Variants in CDKAL1 observed in about 807,000 individuals in gnomAD.
CDKAL1 encodes the protein CDKAL1 threonylcarbamoyladenosine tRNA methylthiotransferase.
Under a neutral mutation model 68.2 loss-of-function variants are expected in CDKAL1, and 32 were observed. That is an observed-to-expected ratio of 0.47 (90% CI 0.35 to 0.63). CDKAL1 has a LOEUF of 0.63. Among genes scored for constraint, CDKAL1 ranks in the 30% least tolerant of loss-of-function variants. CDKAL1 has a pLI of 0.00. For synonymous variants in CDKAL1, 234 were observed against 244.3 expected, an observed-to-expected ratio of 0.96 and a Z score of 0.39; for missense variants, 606 against 696.7, an observed-to-expected ratio of 0.87 and a Z score of 1.47.
chr6:20,849,293 T>C (rs2150500968), intron 9 of CDKAL1, among the ~76,000 whole-genome samples: 1 of 152,126 alleles, frequency 6.6e-6, no homozygotes. Context: ...GTCAATATTA[T>C]GAAGAAGAGA....
At chr6:21,025,191 C>A (rs1254115910) in intron 11 of CDKAL1, among the ~76,000 whole-genome samples, 4 of 152,202 alleles carry the variant, frequency 2.6e-5, no homozygotes, top group Non-Finnish European at 5.9e-5. Flanking sequence ...ATTGTACAAT[C>A]AGTCACCTCT....
intron 9 of CDKAL1, among the ~76,000 whole-genome samples, chr6:20,872,561 T>C (rs978458307): frequency 9.8e-5 from 15 of 152,288 alleles, no homozygotes; most frequent in African/African-American, 3.6e-4. Context: ...CTGAAAGAAA[T>C]GGGCATGCAT....
chr6:20,907,936 A>G (rs1381977424), intron 9 of CDKAL1, among the ~76,000 whole-genome samples: 1 of 152,140 alleles, frequency 6.6e-6, no homozygotes, highest in African/African-American at 2.4e-5. Flanking sequence ...AATGGAGAAG[A>G]GTAAGGATGA....
At position 20,984,151 on chromosome 6, in the gene CDKAL1, A is replaced by G. The variant is rs186243150; in HGVS notation, c.910-16076A>G. On this transcript the variant is annotated intron_variant, in intron 10 of 15. Coordinates refer to ENST00000274695, the MANE Select transcript of CDKAL1 (RefSeq NM_017774.3). ...CTAGCACATACAGATGCAAACTGCT[A>G]TCATTACTGTTGCTATTTATGCTAC... is the stretch of plus-strand genomic sequence containing the variant. Among the ~76,000 whole-genome samples the G allele has an allele frequency of 1.4e-3, 219 of 152,336 alleles. 1 individual carries two copies. The highest frequency in any genetic ancestry group is 9.8e-4 in the Non-Finnish European group (67 of 68,026).
intron 4 of CDKAL1, among the ~76,000 whole-genome samples, chr6:20,567,698 TTTAATTAA>T (rs199823968): frequency 1.3e-5 from 2 of 151,844 alleles, no homozygotes; most frequent in African/African-American, 2.4e-5. Context: ...GTCTCAGCTT[TTTAATTAA>T]TTAATTAATT....
chr6:20,902,852 T>C (rs1026227368), intron 9 of CDKAL1, among the ~76,000 whole-genome samples: 1 of 152,130 alleles, frequency 6.6e-6, no homozygotes, highest in Non-Finnish European at 1.5e-5. Flanking sequence ...GGGTGATGGT[T>C]GAAGAGTGCA....
chr6:21,004,905 T>G (rs769606112), intron 11 of CDKAL1, among the ~76,000 whole-genome samples: 25 of 152,168 alleles, frequency 1.6e-4, no homozygotes, highest in Non-Finnish European at 2.9e-4. Context: ...GAAGTTACAA[T>G]GAGCTATGAT....
At chr6:21,042,548 T>C (rs1769989674) in intron 11 of CDKAL1, among the ~76,000 whole-genome samples, 1 of 152,170 alleles carries the variant, frequency 6.6e-6, no homozygotes, top group Admixed American at 6.5e-5. Flanking sequence ...CTCCACTTCC[T>C]TCTACCACCA....
At chr6:20,802,812 T>TG (rs1022736065) in intron 8 of CDKAL1, among the ~76,000 whole-genome samples, 2 of 152,144 alleles carry the variant, frequency 1.3e-5, no homozygotes, top group Admixed American at 1.3e-4. Flanking sequence ...AGTGAGTGGG[T>TG]GGGGCTTAGA....
intron 9 of CDKAL1, among the ~76,000 whole-genome samples, chr6:20,901,027 GTAT>G (rs1490960598): frequency 6.6e-6 from 1 of 152,140 alleles, no homozygotes; most frequent in African/African-American, 2.4e-5. Context: ...TGGAGCTCAT[GTAT>G]TATTATATGA....
chr6:20,931,493 A>T (rs1763458941), intron 9 of CDKAL1, among the ~76,000 whole-genome samples: 1 of 152,174 alleles, frequency 6.6e-6, no homozygotes, highest in African/African-American at 2.4e-5. Flanking sequence ...GCTGAATAAG[A>T]ACTACTTGAA....
At chr6:20,725,729 A>T (rs1235818446) in intron 5 of CDKAL1, among the ~76,000 whole-genome samples, 1 of 151,248 alleles carries the variant, frequency 6.6e-6, no homozygotes, top group Non-Finnish European at 1.5e-5. Flanking sequence ...GGTTGCGGTC[A>T]GCTGAGATCA....
intron 8 of CDKAL1, among the ~76,000 whole-genome samples, chr6:20,781,701 G>A (rs1450484861): frequency 6.6e-6 from 1 of 151,838 alleles, no homozygotes; most frequent in Non-Finnish European, 1.5e-5. Context: ...ATTATTCTGA[G>A]CTTTAAACTT....
chr6:20,857,952 C>T lies in CDKAL1; in HGVS notation c.742+11774C>T, dbSNP rs762362317. On this transcript the variant is annotated intron_variant, in intron 9 of 15. Coordinates refer to ENST00000274695, the MANE Select transcript of CDKAL1 (RefSeq NM_017774.3). Reference sequence around the variant, plus strand: ...TTGGCTCACTGCAACCTCTTCCTCCCGGGTTCAAGTGATTCTCCTGCCTCA... The same window carrying T: ...TTGGCTCACTGCAACCTCTTCCTCCTGGGTTCAAGTGATTCTCCTGCCTCA... Among the ~76,000 whole-genome samples the T allele has an allele frequency of 3.9e-5, 6 of 152,266 alleles. No homozygotes were observed. In the East Asian group the frequency reaches 7.7e-4, roughly 20 times the overall value.
chr6:20,853,391 C>CAAAAAAAAAAAAAA (rs763959365), intron 9 of CDKAL1, among the ~76,000 whole-genome samples: 1 of 55,454 alleles, frequency 1.8e-5, no homozygotes, highest in Non-Finnish European at 4.2e-5. Flanking sequence ...AAAAACAAAA[C>CAAAAAAAAAAAAAA]AAAAAAAAAA....
In CDKAL1 at chr6:20,733,699, C is replaced by A. The variant is rs185535307; in HGVS notation, c.372-5820C>A. 9.9e-5 allele frequency among the ~76,000 whole-genome samples: 15 copies of A among 152,262 alleles called. No homozygotes were observed. In the East Asian group the frequency reaches 2.9e-3, roughly 29 times the overall value. On this transcript the variant is annotated intron_variant, in intron 5 of 15. Coordinates refer to ENST00000274695, the MANE Select transcript of CDKAL1 (RefSeq NM_017774.3). ...TATGGTATTCATGGAATCTGGAGATCTTGGGTGCTCCTGCCAGCTCCAGCA... is the reference window on the plus strand; with the variant it reads ...TATGGTATTCATGGAATCTGGAGATATTGGGTGCTCCTGCCAGCTCCAGCA...
intron 5 of CDKAL1, among the ~76,000 whole-genome samples, chr6:20,709,978 TC>T (rs1163729675): frequency 6.6e-6 from 1 of 152,180 alleles, no homozygotes; most frequent in African/African-American, 2.4e-5. Context: ...GGAGTAATCA[TC>T]GAGAGTGAAA....
rs139223704 is a variant in CDKAL1 at position 20,662,621 on chromosome 6, G to C, written c.371+13244G>C. ...CTTTATCTGTCTGCACCCATTTTCA[G>C]AGTTCCTTAGGGGCAGCCACTATAT... On this transcript the variant is annotated intron_variant, in intron 5 of 15. Coordinates refer to ENST00000274695, the MANE Select transcript of CDKAL1 (RefSeq NM_017774.3). 2.2e-3 allele frequency among the ~76,000 whole-genome samples: 341 copies of C among 152,220 alleles called. 2 individuals carry two copies. The highest frequency in any genetic ancestry group is 0.018 in the South Asian group (85 of 4,816).
At chr6:20,883,397 C>G (rs959151667) in intron 9 of CDKAL1, among the ~76,000 whole-genome samples, 1 of 152,234 alleles carries the variant, frequency 6.6e-6, no homozygotes, top group African/African-American at 2.4e-5. Context: ...TTCTTACCCT[C>G]TGCTGCACCT....
Sources: allele counts gnomAD v4.1 joint callset (sites outside exome capture counted in the v4.1 genomes callset), GRCh38; gene constraint gnomAD v4.1.1; transcripts MANE v1.5; gene names NCBI Gene and HGNC (gene_info 2026-07-23, HGNC 2026-07-21).